Variants in STK32B observed in about 807,000 individuals in gnomAD.
The protein encoded by STK32B is serine/threonine kinase 32B, also known as serine/threonine-protein kinase 32B.
In STK32B, 43 loss-of-function variants were observed where a neutral mutation model predicts 52.6. The ratio of observed to expected loss-of-function variants is 0.82; its 90% CI spans 0.64 to 1.05. The LOEUF (loss-of-function observed/expected upper bound fraction) is 1.05, where lower values mean the gene tolerates loss of function less well. Ranked by LOEUF, STK32B falls within the 50% of genes least tolerant of loss-of-function variation. STK32B has a pLI of 0.00. For synonymous variants in STK32B, 238 were observed against 204.3 expected (o/e 1.17, Z -1.41); for missense variants, 621 against 534.6 (o/e 1.16, Z -1.59).
intron 1 of STK32B, among the ~76,000 whole-genome samples, chr4:5,096,363 C>T (rs773917408): frequency 4.6e-5 from 7 of 152,162 alleles, no homozygotes; most frequent in African/African-American, 1.4e-4. Flanking sequence ...CTGTTGGTAA[C>T]GGTGCAGGAG....
intron 3 of STK32B, among the ~76,000 whole-genome samples, chr4:5,253,451 C>A (rs1019727580): frequency 2.0e-5 from 3 of 152,058 alleles, no homozygotes; most frequent in African/African-American, 7.2e-5. Context: ...CTCAGCTCAC[C>A]GCAACCTCCT....
chr4:5,347,056 G>A (rs910600727), intron 4 of STK32B, among the ~76,000 whole-genome samples: 9 of 152,174 alleles, frequency 5.9e-5, no homozygotes, highest in African/African-American at 1.9e-4. Flanking sequence ...CCTCCCACTA[G>A]GTCCCTCCCT....
chr4:5,148,062 A>G (rs1264716533), intron 2 of STK32B, among the ~76,000 whole-genome samples: 1 of 151,858 alleles, frequency 6.6e-6, no homozygotes, highest in African/African-American at 2.4e-5. Flanking sequence ...TGACTACAAA[A>G]TTACCTTCTT....
At chr4:5,452,136 A>C (rs1239896118) in intron 7 of STK32B, among the ~76,000 whole-genome samples, 1 of 152,094 alleles carries the variant, frequency 6.6e-6, no homozygotes, top group Non-Finnish European at 1.5e-5. Flanking sequence ...TGCCCACTCC[A>C]TGGGGACATG....
intron 4 of STK32B, among the ~76,000 whole-genome samples, chr4:5,382,941 C>CT (rs1736023715): frequency 6.6e-6 from 1 of 152,212 alleles, no homozygotes; most frequent in Non-Finnish European, 1.5e-5. Context: ...CCAGGGCTCT[C>CT]TGACTCTTAT....
At chr4:5,222,303 A>G (rs1442703101) in intron 3 of STK32B, among the ~76,000 whole-genome samples, 1 of 152,198 alleles carries the variant, frequency 6.6e-6, no homozygotes, top group East Asian at 1.9e-4. Context: ...CAAACTGGGT[A>G]ATGGGTAGAG....
intron 3 of STK32B, among the ~76,000 whole-genome samples, chr4:5,277,643 A>G (rs969686082): frequency 2.0e-5 from 3 of 152,226 alleles, no homozygotes; most frequent in Admixed American, 1.3e-4. Context: ...AAAAAAAACT[A>G]AAAGATATTA....
At chr4:5,231,426 C>A (rs150198929) in intron 3 of STK32B, among the ~76,000 whole-genome samples, 1 of 151,984 alleles carries the variant, frequency 6.6e-6, no homozygotes, top group South Asian at 2.1e-4. Flanking sequence ...GCCTGGCCAA[C>A]GTGGCAAAAC....
chr4:5,398,953 G>T lies in STK32B; in HGVS notation c.472+709G>T, dbSNP rs958659683. Among the ~76,000 whole-genome samples the T allele has an allele frequency of 6.6e-6, 1 of 152,186 alleles. No individual in the cohort carries two copies. The highest frequency in any genetic ancestry group is 2.4e-5 in the African/African-American group (1 of 41,454). ...CTTACCAGAATTACCTGGGGGACCT[G>T]GTAAAAATCAGAGGTCAGGCCCGGT... On this transcript the variant is annotated intron_variant, in intron 5 of 11. Coordinates refer to ENST00000282908, the MANE Select transcript of STK32B (RefSeq NM_018401.3). This position sits in a 1 kb window ranked among gnomAD's most constrained non-coding sequence, Gnocchi z 4.9.
intron 3 of STK32B, among the ~76,000 whole-genome samples, chr4:5,278,796 C>G (rs987730590): frequency 6.6e-6 from 1 of 152,064 alleles, no homozygotes; most frequent in Non-Finnish European, 1.5e-5. Context: ...CCTCAGGAAG[C>G]TTACAGTTAA....
rs1248151242 is a variant in STK32B at position 5,499,113 on chromosome 4, G to A, written c.*30G>A. ...ACACTTGTTGCTGCTCAACAGGACT[G>A]CACTCGTCTCTGCCCTGCCCACCCA... On this transcript the variant is annotated 3_prime_UTR_variant, in exon 12 of 12. Transcript: ENST00000282908. 1.9e-6 allele frequency: 3 copies of A among 1,587,158 alleles called. No individual in the cohort carries two copies. The highest frequency in any genetic ancestry group is 1.1e-5 in the South Asian group (1 of 87,072).
chr4:5,391,374 G>A (rs1736588070), intron 4 of STK32B, among the ~76,000 whole-genome samples: 1 of 152,140 alleles, frequency 6.6e-6, no homozygotes, highest in South Asian at 2.1e-4. Flanking sequence ...CCAAGTAACA[G>A]TTTTCTGGCA....
chr4:5,303,699 T>A (rs139096892), intron 3 of STK32B, among the ~76,000 whole-genome samples: 12 of 152,256 alleles, frequency 7.9e-5, no homozygotes, highest in Non-Finnish European at 1.3e-4. Flanking sequence ...AATTCCCATC[T>A]ATTTATCTCT....
At chr4:5,143,093 G>A (rs1197930541) in intron 2 of STK32B, among the ~76,000 whole-genome samples, 4 of 147,254 alleles carry the variant, frequency 2.7e-5, no homozygotes, top group African/African-American at 1.0e-4. Context: ...ATCTGTTTCT[G>A]TCTCTGTCTC....
At chr4:5,187,997 A>G (rs1346258695) in intron 3 of STK32B, among the ~76,000 whole-genome samples, 1 of 152,150 alleles carries the variant, frequency 6.6e-6, no homozygotes, top group Non-Finnish European at 1.5e-5. Flanking sequence ...TGAAAGCCTC[A>G]GTTTCCTCGT....
At chr4:5,393,955 C>T (rs1000348740) in intron 4 of STK32B, among the ~76,000 whole-genome samples, 9 of 152,054 alleles carry the variant, frequency 5.9e-5, no homozygotes, top group Admixed American at 5.9e-4. Flanking sequence ...GTAAAATAGC[C>T]GCAGATTTTT....
At chr4:5,260,587 A>C (rs1726647742) in intron 3 of STK32B, among the ~76,000 whole-genome samples, 1 of 152,164 alleles carries the variant, frequency 6.6e-6, no homozygotes, top group African/African-American at 2.4e-5. Context: ...CTAACTTTGA[A>C]AGGGCCTTCT....
chr4:5,136,136 T>G (rs1366494522), intron 1 of STK32B, among the ~76,000 whole-genome samples: 73 of 152,210 alleles, frequency 4.8e-4, no homozygotes, highest in Non-Finnish European at 8.8e-5. Flanking sequence ...TTATCATTCA[T>G]TGCCTGGGGC....
intron 3 of STK32B, among the ~76,000 whole-genome samples, chr4:5,276,942 C>G (rs1388082371): frequency 3.3e-5 from 5 of 152,176 alleles, no homozygotes; most frequent in African/African-American, 1.2e-4. Flanking sequence ...AGAGGACACT[C>G]TATAAATACG....
Sources: gnomAD v4.1 joint callset for allele counts (sites outside exome capture counted in the v4.1 genomes callset) on GRCh38, gnomAD v4.1.1 for gene constraint, Gnocchi (gnomAD v3.1) non-coding constraint, MANE v1.5 for transcripts, NCBI Gene and HGNC (gene_info 2026-07-23, HGNC 2026-07-21) for gene names.